Variants in COL19A1 observed in about 807,000 individuals in gnomAD.
COL19A1 encodes collagen type XIX alpha 1 chain.
COL19A1 carries 159 observed loss-of-function variants against 190.2 expected under a neutral mutation model. The ratio of observed to expected loss-of-function variants is 0.84; its 90% CI spans 0.73 to 0.95. The LOEUF is 0.95. COL19A1 is among the 40% of genes least tolerant of loss of function. The probability of loss-of-function intolerance (pLI) is 0.00; values close to 1 mark genes in which losing one functional copy is unlikely to be tolerated. For missense variants in COL19A1, 1,418 were observed against 1,431.9 expected, an observed-to-expected ratio of 0.99 and a Z score of 0.16; for synonymous variants, 509 against 458.9, an observed-to-expected ratio of 1.11 and a Z score of -1.39.
In COL19A1 at chr6:69,974,806, C is replaced by CTTTT. The variant is rs35518948; in HGVS notation, c.1026+11957_1026+11960dup. ...CTTTTGGAGAGTTTAAGACAGCTTC[C>CTTTT]TTTTTTTTTTTTTTTTTTTTTTTTG... On this transcript the variant is annotated intron_variant, in intron 11 of 50. Transcript: ENST00000620364. 1.4e-3 allele frequency among the ~76,000 whole-genome samples: 131 copies of CTTTT among 93,024 alleles called. 1 individual carries two copies. Among genetic ancestry groups the CTTTT allele is most frequent in the Non-Finnish European group, 1.8e-3 (89 of 49,982 alleles). 61.0% of individuals were successfully genotyped at this position (93,024 alleles called of 152,430 possible). A position where few individuals can be genotyped will look rare whatever the true frequency, so the allele number is the denominator to read the frequency against.
intron 41 of COL19A1, among the ~76,000 whole-genome samples, chr6:70,174,954 G>C (rs1265028402): frequency 6.6e-6 from 1 of 152,234 alleles, no homozygotes; most frequent in Non-Finnish European, 1.5e-5. Flanking sequence ...TACTGACAAA[G>C]TGTCAGGTGT....
chr6:69,956,605 G>A (rs1774437143), intron 9 of COL19A1, among the ~76,000 whole-genome samples: 1 of 151,896 alleles, frequency 6.6e-6, no homozygotes, highest in African/African-American at 2.4e-5. Flanking sequence ...AATAAAGCAG[G>A]ACTATAGTCA....
intron 9 of COL19A1, among the ~76,000 whole-genome samples, chr6:69,956,677 A>G (rs923374819): frequency 1.3e-5 from 2 of 151,976 alleles, no homozygotes; most frequent in African/African-American, 4.8e-5. Context: ...TTTTCTGCCT[A>G]TTTTATTGGT....
rs557488934 is a variant in COL19A1 at position 70,046,327 on chromosome 6, CCTTGTCACT to C, written c.1170+10392_1170+10400del. 2.1e-3 allele frequency among the ~76,000 whole-genome samples: 320 copies of C among 152,246 alleles called. 1 individual carries two copies. Among genetic ancestry groups the C allele is most frequent in the African/African-American group, 7.5e-3 (313 of 41,542 alleles). ...GATTTACACAAGAAGCCAGAATGTT[CCTTGTCACT>C]CTTCTTTTCGGAATCTCCAGTGTTT... On this transcript the variant is annotated intron_variant, in intron 14 of 50. Coordinates refer to ENST00000620364, the MANE Select transcript of COL19A1 (RefSeq NM_001858.6).
rs1768159690 is a variant in COL19A1 at position 70,210,961 on chromosome 6, A to C, written c.*3687A>C. 6.6e-6 allele frequency among the ~76,000 whole-genome samples: 1 copy of C among 152,132 alleles called. No homozygotes were observed. The highest frequency in any genetic ancestry group is 2.1e-4 in the South Asian group (1 of 4,824). ...TAGTTAACATGCAGATTAACTAGTC[A>C]TAACTGTTTATACACCACTCTCATA... On this transcript the variant is annotated 3_prime_UTR_variant, in exon 51 of 51. Transcript: ENST00000620364.
Position 69,977,118 on chromosome 6 carries a change from G to A in COL19A1, c.1026+14248G>A, listed in dbSNP as rs145829138. Among the ~76,000 whole-genome samples, 832 of 152,272 alleles carry A rather than the reference G, an allele frequency of 5.5e-3. 18 individuals are homozygous for A. The East Asian group carries it at 0.068, about 13-fold the overall frequency. On this transcript the variant is annotated intron_variant, in intron 11 of 50. Coordinates refer to ENST00000620364, the MANE Select transcript of COL19A1 (RefSeq NM_001858.6). ...GCTATAAAGACACATGCGCACGTAT[G>A]TTTATTGCGGCACTATTCACAATAG...
At chr6:69,988,793 T>C (rs543013929) in intron 11 of COL19A1, among the ~76,000 whole-genome samples, 44 of 152,304 alleles carry the variant, frequency 2.9e-4, no homozygotes, top group Admixed American at 8.5e-4. Context: ...CTGATATCTT[T>C]CCTGGAGTCT....
intron 31 of COL19A1, 144 bp from the exon 32 acceptor site, chr6:70,155,983 G>T (rs1787404965): frequency 3.4e-6 from 2 of 587,152 alleles, no homozygotes; most frequent in Middle Eastern, 4.6e-4. Context: ...TTTTAAATTG[G>T]ATACATCAAG....
chr6:70,088,598 A>G (rs1242004423), intron 15 of COL19A1, among the ~76,000 whole-genome samples: 2 of 152,184 alleles, frequency 1.3e-5, no homozygotes, highest in Non-Finnish European at 2.9e-5. Flanking sequence ...CGTTTAATGC[A>G]GACTTATAAT....
intron 12 of COL19A1, among the ~76,000 whole-genome samples, chr6:70,033,416 C>G (rs1343444761): frequency 6.6e-6 from 1 of 152,078 alleles, no homozygotes; most frequent in Non-Finnish European, 1.5e-5. Flanking sequence ...CTTCCTTCAT[C>G]CAGTGTGTTA....
In COL19A1 at chr6:69,978,756, T is replaced by C. The variant is rs557790652; in HGVS notation, c.1026+15886T>C. On this transcript the variant is annotated intron_variant, in intron 11 of 50. Transcript: ENST00000620364. The stretch of plus-strand genomic sequence containing the variant: ...TCACTAAAATCAATGAAACAGAAAA[T>C]TTTAAAAATTGTAGAAGGGACAAAC... Among the ~76,000 whole-genome samples, 13 of 151,414 alleles carry C rather than the reference T, an allele frequency of 8.6e-5. No individual in the cohort carries two copies. In the East Asian group the frequency reaches 2.5e-3, roughly 29 times the overall value.
intron 44 of COL19A1, among the ~76,000 whole-genome samples, chr6:70,184,313 G>A (rs1344784868): frequency 6.6e-6 from 1 of 152,116 alleles, no homozygotes; most frequent in Non-Finnish European, 1.5e-5. Context: ...TATGCCATGA[G>A]GCACCTTCTT....
chr6:70,087,788 G>A (rs971474657), intron 15 of COL19A1, among the ~76,000 whole-genome samples: 1 of 152,106 alleles, frequency 6.6e-6, no homozygotes, highest in African/African-American at 2.4e-5. Context: ...GAAAACTGGT[G>A]ACTATATGTT....
rs541195832 is a variant in COL19A1 at position 70,204,003 on chromosome 6, G to A, written c.3224-2898G>A. Among the ~76,000 whole-genome samples the A allele has an allele frequency of 2.6e-5, 4 of 152,124 alleles. No homozygotes were observed. The East Asian group carries it at 7.7e-4, about 29-fold the overall frequency. On this transcript the variant is annotated intron_variant, in intron 49 of 50. Coordinates refer to ENST00000620364, the MANE Select transcript of COL19A1 (RefSeq NM_001858.6). ...AGCCTCCCAAGTAGCTGGGATTACA[G>A]GTGCCCACCACCATGCCCAGCTAAT...
intron 11 of COL19A1, among the ~76,000 whole-genome samples, chr6:70,010,350 G>A (rs1250747523): frequency 6.7e-6 from 1 of 149,190 alleles, no homozygotes; most frequent in Admixed American, 6.8e-5. Context: ...AAGCAAACGA[G>A]GGAGGAGCCA....
chr6:70,109,546 G>GTA (rs973493060), intron 16 of COL19A1, among the ~76,000 whole-genome samples: 2 of 18,350 alleles, frequency 1.1e-4, no homozygotes, highest in African/African-American at 4.3e-4. Context: ...TTGTAAGTGT[G>GTA]TGTGTGTGTG....
intron 17 of COL19A1, among the ~76,000 whole-genome samples, chr6:70,122,585 G>T (rs1273296149): frequency 6.6e-6 from 1 of 152,098 alleles, no homozygotes; most frequent in Non-Finnish European, 1.5e-5. Context: ...AATATTTGGG[G>T]TCTGATCACT....
intron 16 of COL19A1, among the ~76,000 whole-genome samples, chr6:70,117,777 T>G (rs1256145588): frequency 6.6e-6 from 1 of 152,140 alleles, no homozygotes; most frequent in African/African-American, 2.4e-5. Context: ...ACAAATAGAG[T>G]GAAGCAAATC....
At chr6:70,149,555 T>G in intron 27 of COL19A1, 149 bp from the exon 28 acceptor site, 1 of 841,148 alleles carries the variant, frequency 1.2e-6, no homozygotes, top group Non-Finnish European at 1.8e-6. Context: ...CCTGAAAGTC[T>G]TGGCCGACTT....
Sources: allele counts gnomAD v4.1 joint callset (sites outside exome capture counted in the v4.1 genomes callset), GRCh38; gene constraint gnomAD v4.1.1; transcripts MANE v1.5; gene names NCBI Gene and HGNC (gene_info 2026-07-23, HGNC 2026-07-21).